DRAXIN: variants seen among roughly 807,000 people sequenced by gnomAD.
The protein encoded by DRAXIN is dorsal inhibitory axon guidance protein.
In DRAXIN, 27 loss-of-function variants were observed where a neutral mutation model predicts 33.9. The ratio of observed to expected loss-of-function variants is 0.80; its 90% CI spans 0.59 to 1.10. The LOEUF is 1.10. Among genes scored for constraint, DRAXIN ranks in the 50% least tolerant of loss-of-function variants. DRAXIN has a pLI of 0.00. For missense variants in DRAXIN, 371 were observed against 460.8 expected, an observed-to-expected ratio of 0.81 and a Z score of 1.78; for synonymous variants, 178 against 194.0, an observed-to-expected ratio of 0.92 and a Z score of 0.69.
Position 11,697,804 on chromosome 1 carries a change from G to A in DRAXIN, c.-11+5951G>A, listed in dbSNP as rs78861733. Among the ~76,000 whole-genome samples the A allele has an allele frequency of 1.5e-4, 23 of 152,318 alleles. 1 individual carries two copies. Among genetic ancestry groups the A allele is most frequent in the African/African-American group, 4.1e-4 (17 of 41,568 alleles). ...AGAGCTCTGTGCCTGAGAAAGACCC[G>A]TGGAGGGGTAGGTGGGGCTCTGGCT... On this transcript the variant is annotated intron_variant, in intron 1 of 6. Transcript: ENST00000294485.
In DRAXIN at chr1:11,704,967, G is replaced by A. The variant is rs1044004966; in HGVS notation, c.-10-1282G>A. On this transcript the variant is annotated intron_variant, in intron 1 of 6. Coordinates refer to ENST00000294485, the MANE Select transcript of DRAXIN (RefSeq NM_198545.4). The surrounding 1 kb of genome is among the most constrained non-coding windows in gnomAD (Gnocchi z 4.6). ...TCCACGAGTGCGTGGTCAGAGCTTC[G>A]AGGGCACAGCAGTTTCCCTGCCCTA... Among the ~76,000 whole-genome samples, 2 of 152,182 alleles carry A rather than the reference G, an allele frequency of 1.3e-5. No homozygotes were observed. Among genetic ancestry groups the A allele is most frequent in the African/African-American group, 2.4e-5 (1 of 41,440 alleles).
At chr1:11,702,327 T>C (rs1286923581) in intron 1 of DRAXIN, among the ~76,000 whole-genome samples, 2 of 147,900 alleles carry the variant, frequency 1.4e-5, no homozygotes, top group African/African-American at 2.5e-5. Flanking sequence ...CTCACGCACA[T>C]GCTAACACTC....
upstream of DRAXIN, among the ~76,000 whole-genome samples, chr1:11,686,779 A>G (rs2100719463): frequency 6.7e-6 from 1 of 148,930 alleles, no homozygotes; most frequent in Non-Finnish European, 1.5e-5. Context: ...ACAAGGTAAG[A>G]ACTTTTGATC....
At chr1:11,707,444 C>A (rs1641407037) in intron 2 of DRAXIN, among the ~76,000 whole-genome samples, 1 of 152,204 alleles carries the variant, frequency 6.6e-6, no homozygotes, top group Admixed American at 6.5e-5. Flanking sequence ...TGGCCCTGGG[C>A]AAGTTCTCTT....
Position 11,719,592 on chromosome 1 carries a change from T to C in DRAXIN, c.946T>C (p.Cys316Arg). The change falls in exon 7 of 7, where the codon TGC becomes CGC. Residue 316 changes from cysteine to arginine, a missense_variant. By Grantham distance (180) the Cys-to-Arg change is radical (BLOSUM62 -3). Transcript: ENST00000294485. ...DDCMCVEGLR[C>R]YAKFHRNRRV... Reference sequence around the variant, plus strand: ...TGCCTCCACTCGCCCAGGGCTGCGCTGCTATGCCAAATTCCACCGGAACCG... The same window carrying C: ...TGCCTCCACTCGCCCAGGGCTGCGCCGCTATGCCAAATTCCACCGGAACCG... 6.2e-7 allele frequency: 1 copy of C among 1,612,630 alleles called. No homozygotes were observed. The highest frequency in any genetic ancestry group is 8.5e-7 in the Non-Finnish European group (1 of 1,179,374).
At chr1:11,714,197 C>T (rs536884513) in intron 5 of DRAXIN, among the ~76,000 whole-genome samples, 10 of 152,058 alleles carry the variant, frequency 6.6e-5, no homozygotes, top group African/African-American at 2.4e-4. Flanking sequence ...AGAGCAAGAC[C>T]CTGTCTCAAC....
chr1:11,695,508 C>A (rs2100729228), intron 1 of DRAXIN, among the ~76,000 whole-genome samples: 1 of 151,836 alleles, frequency 6.6e-6, no homozygotes, highest in East Asian at 1.9e-4. Flanking sequence ...ATCACTTGAA[C>A]CCAGGAGGCA....
rs771882215 is a variant in DRAXIN at position 11,706,769 on chromosome 1, G to A, written c.451+60G>A. 1.4e-5 allele frequency: 21 copies of A among 1,467,218 alleles called. No homozygotes were observed. Among genetic ancestry groups the A allele is most frequent in the Non-Finnish European group, 1.8e-5 (20 of 1,107,660 alleles). 90.9% of individuals were successfully genotyped at this position (1,467,218 alleles called of 1,614,324 possible). On this transcript the variant is annotated intron_variant, in intron 2 of 6. Transcript: ENST00000294485. This position sits in a 1 kb window ranked among gnomAD's most constrained non-coding sequence, Gnocchi z 5.5. ...TGATTCCTGCCATGGACTGAGGGGA[G>A]CAGGAGAGGATGCAGGCAAGGGTCA...
rs1273101889 is a variant in DRAXIN, at chr1:11,705,124, T to C, written c.-10-1125T>C. On this transcript the variant is annotated intron_variant, in intron 1 of 6. Coordinates refer to ENST00000294485, the MANE Select transcript of DRAXIN (RefSeq NM_198545.4). The surrounding 1 kb of genome is among the most constrained non-coding windows in gnomAD (Gnocchi z 4.8). The stretch of plus-strand genomic sequence containing the variant: ...ACCTTTTCTCAGCCCGGGACAATTA[T>C]ATGGCCACAAATCACAAAGAAACGG... Among the ~76,000 whole-genome samples, 6 of 152,172 alleles carry C rather than the reference T, an allele frequency of 3.9e-5. No homozygotes were observed. Among genetic ancestry groups the C allele is most frequent in the Admixed American group, 2.0e-4 (3 of 15,286 alleles).
At position 11,723,162 on chromosome 1, in the gene DRAXIN, T is replaced by TA. The variant is rs1231089634; in HGVS notation, c.*3470dup. On this transcript the variant is annotated 3_prime_UTR_variant, in exon 7 of 7. Transcript: ENST00000294485. Reference sequence around the variant, plus strand: ...ATTAGTTTAATTTTCTAAAACCATTTAAAAGTGCAAAAACTGCTCTTTGCT... The same window carrying TA: ...ATTAGTTTAATTTTCTAAAACCATTTAAAAAGTGCAAAAACTGCTCTTTGCT... 6.6e-6 allele frequency: 1 copy of TA among 152,140 alleles called. No individual in the cohort carries two copies. Among genetic ancestry groups the TA allele is most frequent in the Non-Finnish European group, 1.5e-5 (1 of 68,026 alleles). 9.4% of individuals were successfully genotyped at this position (152,140 alleles called of 1,614,324 possible). A position where few individuals can be genotyped will look rare whatever the true frequency, so the allele number is the denominator to read the frequency against.
At chr1:11,712,525 C>A (rs1641510473) in intron 5 of DRAXIN, 96 bp downstream of exon 5, 1 of 1,215,842 alleles carries the variant, frequency 8.2e-7, no homozygotes, top group East Asian at 2.4e-5. Flanking sequence ...ACCTGAGAAT[C>A]CTTGACCCTT....
intron 1 of DRAXIN, among the ~76,000 whole-genome samples, chr1:11,697,293 C>T (rs1641208664): frequency 6.6e-6 from 1 of 152,222 alleles, no homozygotes; most frequent in Non-Finnish European, 1.5e-5. Context: ...CTCACCCGGA[C>T]TGTCTCCCTT....
chr1:11,698,813 T>C (rs919312886), intron 1 of DRAXIN, among the ~76,000 whole-genome samples: 2 of 152,140 alleles, frequency 1.3e-5, no homozygotes, highest in African/African-American at 2.4e-5. Flanking sequence ...GCTATGATGG[T>C]ACAACTACTC....
chr1:11,712,758 G>T (rs1641514587), intron 5 of DRAXIN, among the ~76,000 whole-genome samples: 1 of 151,970 alleles, frequency 6.6e-6, no homozygotes, highest in South Asian at 2.1e-4. Flanking sequence ...AATTATCCGG[G>T]CATGGTGGAA....
In DRAXIN at chr1:11,724,623, A is replaced by G. The variant is rs1641713864; in HGVS notation, c.*4927A>G. 1 of 152,198 alleles carries G rather than the reference A, an allele frequency of 6.6e-6. No individual in the cohort carries two copies. Among genetic ancestry groups the G allele is most frequent in the South Asian group, 2.1e-4 (1 of 4,834 alleles). The allele number at this position is 152,198 out of a possible 1,614,324, so 9.4% of individuals were successfully genotyped here. On this transcript the variant is annotated 3_prime_UTR_variant, in exon 7 of 7. Transcript: ENST00000294485. ...AGCCATATTCAACCCACCCAACAAA[A>G]CCTAACATTGAGGTGGTGGGCACAC...
chr1:11,710,681 A>G (rs2878594), intron 3 of DRAXIN, among the ~76,000 whole-genome samples: 76,419 of 148,280 alleles, frequency 0.52, 19,871 homozygotes, highest in East Asian at 0.59. Flanking sequence ...TTGGGAGGCC[A>G]AGGCGGGCAG....
At chr1:11,703,150 C>A (rs1557688581) in intron 1 of DRAXIN, among the ~76,000 whole-genome samples, 1 of 152,358 alleles carries the variant, frequency 6.6e-6, no homozygotes, top group South Asian at 2.1e-4. Flanking sequence ...AGGGAATGTG[C>A]AGAGTCCTTT....
At chr1:11,703,681 C>T (rs1031342147) in intron 1 of DRAXIN, among the ~76,000 whole-genome samples, 2 of 152,158 alleles carry the variant, frequency 1.3e-5, no homozygotes, top group South Asian at 2.1e-4. Context: ...CTTGGATGCA[C>T]CCCCATGGGT....
intron 1 of DRAXIN, among the ~76,000 whole-genome samples, chr1:11,697,022 C>G (rs571021713): frequency 6.2e-5 from 9 of 145,200 alleles, no homozygotes; most frequent in Admixed American, 1.4e-4. Flanking sequence ...GGCAACAGAA[C>G]GAGATTCCAT....
Sources: allele counts gnomAD v4.1 joint callset (sites outside exome capture counted in the v4.1 genomes callset), GRCh38; gene constraint gnomAD v4.1.1; non-coding constraint Gnocchi (gnomAD v3.1); transcripts MANE v1.5; gene names NCBI Gene and HGNC (gene_info 2026-07-23, HGNC 2026-07-21).